WDR12: variants seen among roughly 807,000 people sequenced by gnomAD.
WDR12 encodes ribosome biogenesis protein WDR12.
Under a neutral mutation model 64.3 loss-of-function variants are expected in WDR12, and 42 were observed. That is an observed-to-expected ratio of 0.65 (90% CI 0.51 to 0.84). WDR12 has a LOEUF of 0.84. WDR12 is among the 40% of genes least tolerant of loss of function. The probability of loss-of-function intolerance (pLI) is 0.00; values close to 1 mark genes in which losing one functional copy is unlikely to be tolerated. For missense variants in WDR12, 469 were observed against 494.6 expected (o/e 0.95, Z 0.49); for synonymous variants, 158 against 173.3 (o/e 0.91, Z 0.70).
chr2:202,903,839 T>C (rs1688401230), intron 2 of WDR12, among the ~76,000 whole-genome samples: 1 of 151,810 alleles, frequency 6.6e-6, no homozygotes, highest in East Asian at 1.9e-4. Flanking sequence ...AAAACATCGA[T>C]GAAAGACATT....
intron 6 of WDR12, 43 bp from the exon 7 acceptor site, chr2:202,894,669 T>C (rs919401578): frequency 1.3e-6 from 2 of 1,498,420 alleles, no homozygotes; most frequent in Middle Eastern, 2.0e-4. Flanking sequence ...TGTAATATGA[T>C]TCATATTATT....
rs1311724537 is a variant in WDR12 at position 202,878,755 on chromosome 2, T to C, written c.*2105A>G. The C allele has an allele frequency of 6.6e-6, 1 of 152,232 alleles. No homozygotes were observed. The highest frequency in any genetic ancestry group is 1.5e-5 in the Non-Finnish European group (1 of 68,046). 9.4% of individuals were successfully genotyped at this position (152,232 alleles called of 1,614,324 possible). On this transcript the variant is annotated 3_prime_UTR_variant, in exon 13 of 13. Coordinates refer to ENST00000261015, the MANE Select transcript of WDR12 (RefSeq NM_018256.4). ...AACAGGAACATCATTTGAGATGTAA[T>C]ACCATCTAATAATGAGACCAAACAT...
intron 3 of WDR12, among the ~76,000 whole-genome samples, chr2:202,900,191 G>C (rs916900709): frequency 1.3e-5 from 2 of 152,008 alleles, no homozygotes; most frequent in South Asian, 2.1e-4. Context: ...TTAGCCAGGC[G>C]TGGTGGCAGA....
intron 2 of WDR12, among the ~76,000 whole-genome samples, chr2:202,905,232 G>A (rs940300053): frequency 4.6e-5 from 7 of 152,114 alleles, no homozygotes; most frequent in Non-Finnish European, 7.3e-5. Context: ...TACAACTTCC[G>A]CCTCCCGGGT....
intron 2 of WDR12, among the ~76,000 whole-genome samples, chr2:202,902,039 G>T (rs1688357199): frequency 6.6e-6 from 1 of 152,096 alleles, no homozygotes; most frequent in African/African-American, 2.4e-5. Flanking sequence ...TAATTATCGG[G>T]ATTAACAGCT....
intron 11 of WDR12, 102 bp downstream of exon 11, chr2:202,883,507 C>CT (rs1282075290): frequency 5.9e-6 from 8 of 1,346,322 alleles, no homozygotes; most frequent in East Asian, 2.5e-5. Context: ...AACCATGAGG[C>CT]TTTTTTTACT....
chr2:202,882,854 T>C lies in WDR12; in HGVS notation c.1122-71A>G, dbSNP rs1257645908. On this transcript the variant is annotated intron_variant, in intron 11 of 12. Transcript: ENST00000261015. Reference sequence around the variant, plus strand: ...AAACAAACATTTGAATAATCACTTATACTTATCTGAAAACTTTACAGGGTT... The same window carrying C: ...AAACAAACATTTGAATAATCACTTACACTTATCTGAAAACTTTACAGGGTT... 1.0e-5 allele frequency: 15 copies of C among 1,496,496 alleles called. 1 individual carries two copies. Among genetic ancestry groups the C allele is most frequent in the South Asian group, 5.8e-5 (5 of 86,830 alleles). The allele number at this position is 1,496,496 out of a possible 1,614,324, so 92.7% of individuals were successfully genotyped here. A position where few individuals can be genotyped will look rare whatever the true frequency, so the allele number is the denominator to read the frequency against.
At chr2:202,890,412 A>G (rs1477331545) in intron 8 of WDR12, among the ~76,000 whole-genome samples, 1 of 152,234 alleles carries the variant, frequency 6.6e-6, no homozygotes, top group African/African-American at 2.4e-5. Flanking sequence ...GCAGACATCT[A>G]GGGTACTGGT....
rs114532985 is a variant in WDR12 at position 202,905,920 on chromosome 2, G to A, written c.136+1945C>T. Among the ~76,000 whole-genome samples, 1,139 of 152,236 alleles carry A rather than the reference G, an allele frequency of 7.5e-3. 6 individuals are homozygous for A. The highest frequency in any genetic ancestry group is 0.012 in the Non-Finnish European group (807 of 68,022). ...GCAAGTGGAAATGGATGGTTAATGG[G>A]TACAAAAGAATTGAAAGAATAAATA... is the stretch of plus-strand genomic sequence containing the variant. On this transcript the variant is annotated intron_variant, in intron 2 of 12. Transcript: ENST00000261015.
intron 1 of WDR12, among the ~76,000 whole-genome samples, chr2:202,910,208 T>G (rs979514740): frequency 1.2e-4 from 18 of 152,122 alleles, no homozygotes; most frequent in African/African-American, 3.9e-4. Context: ...CTATTATCTC[T>G]TACAACTTCA....
Position 202,911,629 on chromosome 2 carries a change from T to A in WDR12, c.-153A>T, listed in dbSNP as rs1370713933. The A allele has an allele frequency of 1.4e-6, 1 of 713,114 alleles. No individual in the cohort carries two copies. The highest frequency in any genetic ancestry group is 2.2e-5 in the Admixed American group (1 of 45,864). 44.2% of individuals were successfully genotyped at this position (713,114 alleles called of 1,614,324 possible). ...CAGTCTAAGCCTGGACTCTGCCTTCTGCCCTCCGGTCTCCTCTGCAGAAAG... is the reference window on the plus strand; with the variant it reads ...CAGTCTAAGCCTGGACTCTGCCTTCAGCCCTCCGGTCTCCTCTGCAGAAAG... On this transcript the variant is annotated 5_prime_UTR_variant, in exon 1 of 13. Transcript: ENST00000261015.
chr2:202,884,447 TC>T lies in WDR12; in HGVS notation c.829del (p.Asp277ThrfsTer18). ...DAEEICSASWDHTIRVWDVES... is the reference protein window; with the variant it reads ...DAEEICSASWXHTIRVWDVES... ...AACATCCCACACTCTAATTGTATGG[TC>T]CCAAGATGCACTGCAGATTTCTTCA... On this transcript the variant is annotated frameshift_variant, in exon 9 of 13. Transcript: ENST00000261015. LOFTEE classifies it high-confidence loss of function. 1 of 1,614,176 alleles carries T rather than the reference TC, an allele frequency of 6.2e-7. No individual in the cohort carries two copies. The highest frequency in any genetic ancestry group is 8.5e-7 in the Non-Finnish European group (1 of 1,180,034).
chr2:202,890,803 G>C (rs1264854856), intron 8 of WDR12, among the ~76,000 whole-genome samples: 1 of 145,366 alleles, frequency 6.9e-6, no homozygotes, highest in African/African-American at 2.6e-5. Context: ...TTTTCATTGA[G>C]CAACATTTAA....
intron 2 of WDR12, among the ~76,000 whole-genome samples, chr2:202,907,453 A>G (rs895339094): frequency 6.6e-6 from 1 of 152,188 alleles, no homozygotes; most frequent in African/African-American, 2.4e-5. Flanking sequence ...TTGATATTAC[A>G]CTAAACACTC....
In WDR12 at chr2:202,889,343, G is replaced by C. The variant is rs562946186; in HGVS notation, c.741+3274C>G. Among the ~76,000 whole-genome samples the C allele has an allele frequency of 4.2e-4, 64 of 152,086 alleles. 1 individual carries two copies. Among genetic ancestry groups the C allele is most frequent in the African/African-American group, 1.5e-3 (62 of 41,506 alleles). ...ATACATAAATAACTCTTACAAATCA[G>C]TAAGTAAAAACAAAGCAAAACAACA... is the stretch of plus-strand genomic sequence containing the variant. On this transcript the variant is annotated intron_variant, in intron 8 of 12. Transcript: ENST00000261015.
intron 2 of WDR12, among the ~76,000 whole-genome samples, chr2:202,903,147 A>G (rs1574410237): frequency 1.3e-5 from 2 of 152,186 alleles, no homozygotes; most frequent in East Asian, 3.8e-4. Flanking sequence ...CTGTCCCTCT[A>G]AAGAACCCTA....
chr2:202,903,589 T>A (rs1205795814), intron 2 of WDR12, among the ~76,000 whole-genome samples: 1 of 152,162 alleles, frequency 6.6e-6, no homozygotes, highest in Admixed American at 6.5e-5. Context: ...TGATTTGATC[T>A]TATATTTGGA....
chr2:202,897,493 G>A (rs1249870528), intron 4 of WDR12, 78 bp from the exon 5 acceptor site: 1 of 725,330 alleles, frequency 1.4e-6, no homozygotes, highest in African/African-American at 1.9e-5. Context: ...CAATGACAAA[G>A]TAACTTTGAG....
intron 8 of WDR12, among the ~76,000 whole-genome samples, chr2:202,891,916 G>A (rs938634942): frequency 6.6e-6 from 1 of 152,162 alleles, no homozygotes; most frequent in African/African-American, 2.4e-5. Flanking sequence ...TGGAGTGTGA[G>A]GAAATGGGGA....
Sources: allele counts gnomAD v4.1 joint callset (sites outside exome capture counted in the v4.1 genomes callset), GRCh38; gene constraint gnomAD v4.1.1; transcripts MANE v1.5; gene names NCBI Gene and HGNC (gene_info 2026-07-23, HGNC 2026-07-21).